Variants in INTS8 observed in about 807,000 individuals in gnomAD.
INTS8 encodes integrator complex subunit 8, also known as protein kaonashi-1.
INTS8 carries 47 observed loss-of-function variants against 138.9 expected under a neutral mutation model. The observed-to-expected ratio is 0.34, with a 90% CI of 0.27 to 0.43. INTS8 has a LOEUF of 0.43. INTS8 is among the 20% of genes least tolerant of loss of function. The probability of loss-of-function intolerance (pLI) is 1.00; values close to 1 mark genes in which losing one functional copy is unlikely to be tolerated. For missense variants in INTS8, 996 were observed against 1,173.0 expected, an observed-to-expected ratio of 0.85 and a Z score of 2.20; for synonymous variants, 392 against 400.9, an observed-to-expected ratio of 0.98 and a Z score of 0.27.
chr8:94,866,032 A>G, intron 17 of INTS8, 126 bp from the exon 18 acceptor site: 1 of 567,320 alleles, frequency 1.8e-6, no homozygotes, highest in East Asian at 2.9e-5. Context: ...ACAGTAGAAT[A>G]TTACATTCCT....
intron 8 of INTS8, among the ~76,000 whole-genome samples, chr8:94,839,706 A>G (rs1815064272): frequency 1.3e-5 from 2 of 152,216 alleles, no homozygotes; most frequent in Admixed American, 6.5e-5. Context: ...AGGTTTATGA[A>G]GGGTGAGATC....
chr8:94,855,442 T>C (rs558248737), intron 14 of INTS8, among the ~76,000 whole-genome samples: 2 of 152,214 alleles, frequency 1.3e-5, no homozygotes, highest in African/African-American at 4.8e-5. Context: ...CCACATCTTA[T>C]CTAGTGGCTG....
chr8:94,842,715 T>C (rs1044400773), intron 10 of INTS8, among the ~76,000 whole-genome samples: 4 of 152,224 alleles, frequency 2.6e-5, no homozygotes, highest in African/African-American at 9.6e-5. Flanking sequence ...TCCTTAGTCC[T>C]TCATTGACTT....
rs936548728 is a variant in INTS8, at chr8:94,844,765, T to G, written c.1260+2277T>G. ...CTTTTAGTTTTTCTTTTTTTTTTTT[T>G]TTTGTTTGAGACGGGTCTCACTCTA... On this transcript the variant is annotated intron_variant, in intron 10 of 26. Coordinates refer to ENST00000523731, the MANE Select transcript of INTS8 (RefSeq NM_017864.4). Among the ~76,000 whole-genome samples the G allele has an allele frequency of 4.6e-5, 7 of 151,312 alleles. No individual in the cohort carries two copies. The Middle Eastern group carries it at 0.01, about 222-fold the overall frequency.
intron 23 of INTS8, among the ~76,000 whole-genome samples, chr8:94,875,138 T>C (rs779652147): frequency 9.9e-5 from 15 of 152,138 alleles, no homozygotes; most frequent in Non-Finnish European, 2.1e-4. Context: ...CCAAGACAAC[T>C]GAAAACATAT....
rs1465277827 is a variant in INTS8 at position 94,827,295 on chromosome 8, A to G, written c.338A>G (p.Asn113Ser). Residue 113 changes from asparagine (N) to serine (S), a missense_variant, in exon 3 of 27, where the codon AAT becomes AGT. Transcript: ENST00000523731. ...LSVPVLNMLL[N>S]ELLCISKVPP... ...GTTCCAGTATTGAATATGCTACTAA[A>G]TGAACTACTCTGCATCAGTAAAGTT... The G allele has an allele frequency of 4.3e-6, 7 of 1,613,464 alleles. No homozygotes were observed. Among genetic ancestry groups the G allele is most frequent in the Non-Finnish European group, 5.9e-6 (7 of 1,179,482 alleles).
intron 16 of INTS8, among the ~76,000 whole-genome samples, 157 bp from the exon 17 acceptor site, chr8:94,865,349 A>T (rs1816140299): frequency 6.6e-6 from 1 of 152,182 alleles, no homozygotes; most frequent in African/African-American, 2.4e-5. Context: ...ATGAGCCCTA[A>T]ATTCCTCAAA....
chr8:94,858,741 C>G (rs1239796821), intron 15 of INTS8, among the ~76,000 whole-genome samples: 2 of 152,222 alleles, frequency 1.3e-5, no homozygotes. Context: ...TATGACTGTA[C>G]TCCAGCCCAG....
intron 16 of INTS8, chr8:94,859,954 G>A (rs1815892365): frequency 5.2e-6 from 1 of 191,526 alleles, no homozygotes; most frequent in Admixed American, 5.6e-5. Flanking sequence ...AACTGATGGA[G>A]TCCGTCAGGG....
At chr8:94,870,253 A>G (rs535558962) in intron 20 of INTS8, among the ~76,000 whole-genome samples, 11 of 152,086 alleles carry the variant, frequency 7.2e-5, no homozygotes, top group South Asian at 4.2e-4. Flanking sequence ...GGGTTTCACC[A>G]TGTTAGCCAG....
At chr8:94,873,962 A>AT (rs1397696697) in intron 22 of INTS8, among the ~76,000 whole-genome samples, 3 of 151,720 alleles carry the variant, frequency 2.0e-5, no homozygotes, top group Non-Finnish European at 4.4e-5. Flanking sequence ...TTTGGTATAT[A>AT]TTTAAGATAT....
chr8:94,847,341 C>T (rs887904124), intron 10 of INTS8, among the ~76,000 whole-genome samples: 2 of 152,124 alleles, frequency 1.3e-5, no homozygotes, highest in Non-Finnish European at 2.9e-5. Flanking sequence ...GACACCTGGC[C>T]GATGCACACA....
At chr8:94,823,608 C>A in intron 1 of INTS8, 47 bp downstream of exon 1, 1 of 1,436,586 alleles carries the variant, frequency 7.0e-7, no homozygotes, top group Non-Finnish European at 9.4e-7. Flanking sequence ...GCCACCGGCG[C>A]TGTCCGCCCA....
At chr8:94,831,105 A>G (rs939627250) in intron 5 of INTS8, among the ~76,000 whole-genome samples, 4 of 150,520 alleles carry the variant, frequency 2.7e-5, no homozygotes, top group African/African-American at 7.3e-5. Flanking sequence ...CACCAGCTAA[A>G]TCTTTAAAGC....
chr8:94,839,224 A>C lies in INTS8; in HGVS notation c.1017+606A>C, dbSNP rs533206722. Among the ~76,000 whole-genome samples, 15 of 152,294 alleles carry C rather than the reference A, an allele frequency of 9.8e-5. No homozygotes were observed. In the Middle Eastern group the frequency reaches 0.014, roughly 138 times the overall value. ...ACTCACCATCTTGATTTGGTTCATG[A>C]AAACGCCTTAATGAGTCTCTTGAGA... On this transcript the variant is annotated intron_variant, in intron 8 of 26. Coordinates refer to ENST00000523731, the MANE Select transcript of INTS8 (RefSeq NM_017864.4).
At chr8:94,842,829 CT>C (rs1431755405) in intron 10 of INTS8, among the ~76,000 whole-genome samples, 1 of 152,158 alleles carries the variant, frequency 6.6e-6, no homozygotes, top group Non-Finnish European at 1.5e-5. Flanking sequence ...GTTTCATCAC[CT>C]GTTTACTAAG....
chr8:94,827,443 CTG>C, intron 3 of INTS8, 40 bp downstream of exon 3: 1 of 1,601,570 alleles, frequency 6.2e-7, no homozygotes, highest in East Asian at 2.2e-5. Flanking sequence ...TGGGCAACCT[CTG>C]TTTTATTGCA....
Position 94,876,367 on chromosome 8 carries a change from A to T in INTS8, c.2828-79A>T, listed in dbSNP as rs1043138202. On this transcript the variant is annotated intron_variant, in intron 25 of 26. Coordinates refer to ENST00000523731, the MANE Select transcript of INTS8 (RefSeq NM_017864.4). Reference sequence around the variant, plus strand: ...AATATTTAATATTGTATATTTTCCAAATCAAAACTGAAAATGAGTTGAGAT... The same window carrying T: ...AATATTTAATATTGTATATTTTCCATATCAAAACTGAAAATGAGTTGAGAT... 4.2e-6 allele frequency: 6 copies of T among 1,440,280 alleles called. No homozygotes were observed. The Admixed American group carries it at 9.3e-5, about 22-fold the overall frequency. The allele number at this position is 1,440,280 out of a possible 1,614,324, so 89.2% of individuals were successfully genotyped here. A position where few individuals can be genotyped will look rare whatever the true frequency, so the allele number is the denominator to read the frequency against.
rs779624019 is a variant in INTS8 at position 94,827,113 on chromosome 8, GA to G, written c.306-141del. 58 of 657,952 alleles carry G rather than the reference GA, an allele frequency of 8.8e-5. 1 individual carries two copies. The highest frequency in any genetic ancestry group is 2.3e-4 in the Admixed American group (8 of 34,856). The allele number at this position is 657,952 out of a possible 1,614,324, so 40.8% of individuals were successfully genotyped here. A position where few individuals can be genotyped will look rare whatever the true frequency, so the allele number is the denominator to read the frequency against. ...GAGCGAGACTCTGTCTCAAAAAAAA[GA>G]AAAAAAAACTTTTTCACATTTGATA... On this transcript the variant is annotated intron_variant, in intron 2 of 26. Transcript: ENST00000523731.
Sources: gnomAD v4.1 joint callset for allele counts (sites outside exome capture counted in the v4.1 genomes callset) on GRCh38, gnomAD v4.1.1 for gene constraint, MANE v1.5 for transcripts, NCBI Gene and HGNC (gene_info 2026-07-23, HGNC 2026-07-21) for gene names.